Variants in NRG3 observed in about 807,000 individuals in gnomAD.
The protein encoded by NRG3 is pro-neuregulin-3, membrane-bound isoform.
Under a neutral mutation model 66.9 loss-of-function variants are expected in NRG3, and 31 were observed. The observed-to-expected ratio is 0.46, with a 90% CI of 0.35 to 0.63. NRG3 has a LOEUF of 0.63. Ranked by LOEUF, NRG3 falls within the 20% of genes least tolerant of loss-of-function variation. The pLI is 0.00. For synonymous variants in NRG3, 393 were observed against 359.4 expected, an observed-to-expected ratio of 1.09 and a Z score of -1.06; for missense variants, 910 against 878.9, an observed-to-expected ratio of 1.04 and a Z score of -0.45.
intron 1 of NRG3, among the ~76,000 whole-genome samples, chr10:82,154,789 TAA>T (rs1376813257): frequency 4.0e-5 from 6 of 151,834 alleles, no homozygotes; most frequent in African/African-American, 1.2e-4. Flanking sequence ...AATTTATTCA[TAA>T]GTTTTCTTTT....
chr10:81,912,288 C>T (rs956282693), intron 1 of NRG3, among the ~76,000 whole-genome samples: 4 of 152,180 alleles, frequency 2.6e-5, no homozygotes, highest in Non-Finnish European at 4.4e-5. Context: ...GGGGTGCAGT[C>T]ATAGCTCACC....
chr10:82,977,935 A>G (rs557763145), intron 7 of NRG3, among the ~76,000 whole-genome samples: 1 of 152,294 alleles, frequency 6.6e-6, no homozygotes, highest in Non-Finnish European at 1.5e-5. Flanking sequence ...ACCTTGATAA[A>G]TTTATTGAAA....
chr10:82,814,662 AG>A, intron 3 of NRG3, among the ~76,000 whole-genome samples: 1 of 152,324 alleles, frequency 6.6e-6, no homozygotes, highest in Non-Finnish European at 1.5e-5. Context: ...TTTGAGTTTT[AG>A]GACCAAGAAG....
At chr10:81,980,730 C>T (rs1470101564) in intron 1 of NRG3, among the ~76,000 whole-genome samples, 1 of 152,152 alleles carries the variant, frequency 6.6e-6, no homozygotes, top group Non-Finnish European at 1.5e-5. Flanking sequence ...TTTCTTTTCT[C>T]ACAATTCTGG....
At chr10:82,101,586 A>G (rs2066723995) in intron 1 of NRG3, among the ~76,000 whole-genome samples, 1 of 151,760 alleles carries the variant, frequency 6.6e-6, no homozygotes, top group African/African-American at 2.4e-5. Context: ...GTCTTACTTA[A>G]CCCATTAATT....
intron 1 of NRG3, among the ~76,000 whole-genome samples, chr10:82,219,661 A>G (rs2075847201): frequency 6.6e-6 from 1 of 152,142 alleles, no homozygotes; most frequent in Non-Finnish European, 1.5e-5. Context: ...ATTGGAATTA[A>G]TATTTGTTAA....
intron 1 of NRG3, among the ~76,000 whole-genome samples, chr10:82,160,443 AAACATCGCTAAACAGAGTGAATC>A (rs1455349674): frequency 2.6e-5 from 4 of 152,090 alleles, no homozygotes; most frequent in Non-Finnish European, 5.9e-5. Context: ...ATACAGATGA[AAACATCGCTAAACAGAGTGAATC>A]ATAATAATGG....
chr10:82,272,067 C>T (rs1047494323), intron 1 of NRG3, among the ~76,000 whole-genome samples: 1 of 152,088 alleles, frequency 6.6e-6, no homozygotes, highest in East Asian at 1.9e-4. Context: ...AAACAAACAA[C>T]CATGCTGCAA....
intron 2 of NRG3, among the ~76,000 whole-genome samples, chr10:82,737,381 A>C (rs1415720129): frequency 6.6e-6 from 1 of 152,174 alleles, no homozygotes; most frequent in African/African-American, 2.4e-5. Flanking sequence ...CTTGCAATAG[A>C]CCTTATTTAA....
At chr10:82,736,895 A>G (rs559549736) in intron 2 of NRG3, among the ~76,000 whole-genome samples, 89 of 152,372 alleles carry the variant, frequency 5.8e-4, no homozygotes, top group Non-Finnish European at 1.1e-3. Flanking sequence ...TCAAAAAGTG[A>G]ATGCATACAA....
At chr10:82,279,400 G>A (rs2079018245) in intron 1 of NRG3, among the ~76,000 whole-genome samples, 1 of 152,082 alleles carries the variant, frequency 6.6e-6, no homozygotes, top group South Asian at 2.1e-4. Flanking sequence ...ACCATAAAAA[G>A]CCCATCAGAT....
At chr10:82,762,491 A>G (rs1353631231) in intron 3 of NRG3, among the ~76,000 whole-genome samples, 1 of 152,218 alleles carries the variant, frequency 6.6e-6, no homozygotes, top group African/African-American at 2.4e-5. Context: ...CACACAAATG[A>G]TACATGAAAT....
chr10:82,349,443 C>T (rs1304251478), intron 1 of NRG3, among the ~76,000 whole-genome samples: 1 of 150,876 alleles, frequency 6.6e-6, no homozygotes, highest in East Asian at 2.0e-4. Flanking sequence ...CAGCTGCGTA[C>T]TGGGAGAACC....
In NRG3 at chr10:82,215,963, CTTTTTTTTTT is replaced by C. The variant is rs71894841; in HGVS notation, c.824-142763_824-142754del. Among the ~76,000 whole-genome samples the C allele has an allele frequency of 9.6e-4, 86 of 89,720 alleles. 1 individual carries two copies. The highest frequency in any genetic ancestry group is 1.7e-3 in the Non-Finnish European group (79 of 47,554). The allele number at this position is 89,720 out of a possible 152,430, so 58.9% of individuals were successfully genotyped here. A position where few individuals can be genotyped will look rare whatever the true frequency, so the allele number is the denominator to read the frequency against. ...GTTTGTTTATATTTTTTATGTTTTC[CTTTTTTTTTT>C]TTTTTTTTTTTTGAGACAGAATTTC... is the stretch of plus-strand genomic sequence containing the variant. On this transcript the variant is annotated intron_variant, in intron 1 of 8. Coordinates refer to ENST00000372141, the MANE Select transcript of NRG3 (RefSeq NM_001010848.4).
At chr10:82,279,269 G>T (rs1032856827) in intron 1 of NRG3, among the ~76,000 whole-genome samples, 1 of 152,146 alleles carries the variant, frequency 6.6e-6, no homozygotes, top group Non-Finnish European at 1.5e-5. Context: ...GAAGATGAGT[G>T]TCATTTTGAT....
intron 4 of NRG3, among the ~76,000 whole-genome samples, chr10:82,922,696 G>C (rs1453385559): frequency 1.3e-5 from 2 of 152,166 alleles, no homozygotes; most frequent in African/African-American, 4.8e-5. Context: ...ATATTGAGGA[G>C]CAGGAGACCC....
intron 3 of NRG3, among the ~76,000 whole-genome samples, chr10:82,858,389 C>A (rs1175902187): frequency 6.6e-6 from 1 of 151,880 alleles, no homozygotes; most frequent in East Asian, 1.9e-4. Flanking sequence ...AAAGTCTCAA[C>A]ACAGGACATC....
At chr10:82,506,657 A>T (rs973937136) in intron 2 of NRG3, among the ~76,000 whole-genome samples, 4 of 152,150 alleles carry the variant, frequency 2.6e-5, no homozygotes, top group African/African-American at 9.7e-5. Context: ...TCTTCTAAAT[A>T]AATCAGCTGT....
intron 2 of NRG3, among the ~76,000 whole-genome samples, chr10:82,394,304 C>T (rs946312472): frequency 1.2e-4 from 19 of 152,190 alleles, no homozygotes; most frequent in Admixed American, 2.6e-4. Flanking sequence ...CGGGCACCCG[C>T]GAGGCTTGAG....
Sources: gnomAD v4.1 joint callset for allele counts (sites outside exome capture counted in the v4.1 genomes callset) on GRCh38, gnomAD v4.1.1 for gene constraint, MANE v1.5 for transcripts, NCBI Gene and HGNC (gene_info 2026-07-23, HGNC 2026-07-21) for gene names.